The following FTO variants were observed in gnomAD, a reference collection of about 807,000 sequenced individuals.
The protein encoded by FTO is FTO alpha-ketoglutarate dependent dioxygenase.
In FTO, 47 loss-of-function variants were observed where a neutral mutation model predicts 63.9. The ratio of observed to expected loss-of-function variants is 0.74; its 90% confidence interval spans 0.58 to 0.94. The LOEUF (loss-of-function observed/expected upper bound fraction) is 0.94, where lower values mean the gene tolerates loss of function less well. FTO is among the 40% of genes least tolerant of loss of function. The pLI is 0.00. For missense variants in FTO, 562 were observed against 618.1 expected, an observed-to-expected ratio of 0.91 and a Z score of 0.96; for synonymous variants, 207 against 224.4, an observed-to-expected ratio of 0.92 and a Z score of 0.69.
intron 8 of FTO, among the ~76,000 whole-genome samples, chr16:53,989,576 G>A (rs2083753900): frequency 6.6e-6 from 1 of 152,114 alleles, no homozygotes; most frequent in African/African-American, 2.4e-5. Flanking sequence ...GTCCTGGGTG[G>A]CAATCTGTGC....
chr16:54,094,418 T>A (rs534887833), intron 8 of FTO, among the ~76,000 whole-genome samples: 1 of 152,222 alleles, frequency 6.6e-6, no homozygotes, highest in Non-Finnish European at 1.5e-5. Flanking sequence ...TGAACTACGA[T>A]GTTTTAAAAC....
chr16:53,827,569 A>G (rs2151779828), intron 3 of FTO, among the ~76,000 whole-genome samples: 1 of 152,354 alleles, frequency 6.6e-6, no homozygotes, highest in Admixed American at 6.5e-5. Flanking sequence ...TAAGAAAAAA[A>G]AGATCTTTAA....
chr16:53,836,859 A>T (rs2079307929), intron 3 of FTO, among the ~76,000 whole-genome samples: 1 of 151,926 alleles, frequency 6.6e-6, no homozygotes, highest in African/African-American at 2.4e-5. Flanking sequence ...AGCTTTGGGG[A>T]GGAGAGAAAC....
chr16:53,723,290 T>C (rs933004336), intron 1 of FTO, among the ~76,000 whole-genome samples: 2 of 152,250 alleles, frequency 1.3e-5, no homozygotes, highest in Admixed American at 1.3e-4. Context: ...CAAATAGCTC[T>C]TTATGCTCCC....
At chr16:53,960,444 G>A (rs1270494130) in intron 8 of FTO, among the ~76,000 whole-genome samples, 1 of 152,218 alleles carries the variant, frequency 6.6e-6, no homozygotes, top group Non-Finnish European at 1.5e-5. Flanking sequence ...AGCCCCTGAA[G>A]GAGGGAAAGT....
chr16:53,871,342 T>C (rs1408732397), intron 4 of FTO, among the ~76,000 whole-genome samples: 1 of 152,216 alleles, frequency 6.6e-6, no homozygotes, highest in Non-Finnish European at 1.5e-5. Flanking sequence ...CATATTTTTG[T>C]AGTCTTTTTT....
At chr16:53,773,874 G>T (rs564524939) in intron 1 of FTO, among the ~76,000 whole-genome samples, 1 of 152,108 alleles carries the variant, frequency 6.6e-6, no homozygotes, top group Non-Finnish European at 1.5e-5. Flanking sequence ...ATAATTGGAC[G>T]ACACTTGTTA....
At chr16:53,953,916 G>A (rs1335162279) in intron 8 of FTO, among the ~76,000 whole-genome samples, 1 of 152,240 alleles carries the variant, frequency 6.6e-6, no homozygotes, top group Non-Finnish European at 1.5e-5. Flanking sequence ...AGCTATGGCT[G>A]AATTCTTCTT....
At chr16:53,837,222 T>C (rs1273993801) in intron 3 of FTO, among the ~76,000 whole-genome samples, 1 of 152,208 alleles carries the variant, frequency 6.6e-6, no homozygotes, top group African/African-American at 2.4e-5. Flanking sequence ...TTCTCCCAAG[T>C]CCGTGAAACA....
At chr16:53,844,649 T>C (rs1598807750) in intron 4 of FTO, among the ~76,000 whole-genome samples, 1 of 151,640 alleles carries the variant, frequency 6.6e-6, no homozygotes, top group Non-Finnish European at 1.5e-5. Context: ...TTAGTAGAGA[T>C]GGGTTTCACC....
At chr16:53,842,035 T>C (rs1255558028) in intron 3 of FTO, among the ~76,000 whole-genome samples, 1 of 152,206 alleles carries the variant, frequency 6.6e-6, no homozygotes, top group African/African-American at 2.4e-5. Context: ...TTTTGTTTTT[T>C]TCTTCCAAAT....
chr16:53,920,479 G>T (rs760829165), intron 7 of FTO, among the ~76,000 whole-genome samples: 1 of 152,176 alleles, frequency 6.6e-6, no homozygotes, highest in Non-Finnish European at 1.5e-5. Flanking sequence ...TGTCCAGATC[G>T]CAGCCTACAT....
intron 8 of FTO, among the ~76,000 whole-genome samples, chr16:54,095,770 G>A (rs2086502764): frequency 1.3e-5 from 2 of 152,152 alleles, no homozygotes; most frequent in African/African-American, 4.8e-5. Flanking sequence ...AGATATGGTG[G>A]TTGGAGTGTC....
At chr16:53,966,938 C>A (rs1305227841) in intron 8 of FTO, among the ~76,000 whole-genome samples, 1 of 152,088 alleles carries the variant, frequency 6.6e-6, no homozygotes, top group Non-Finnish European at 1.5e-5. Context: ...ATTATAATGG[C>A]CTGATCCGTG....
At chr16:53,987,116 C>T (rs2083686095) in intron 8 of FTO, among the ~76,000 whole-genome samples, 1 of 151,970 alleles carries the variant, frequency 6.6e-6, no homozygotes, top group African/African-American at 2.4e-5. Context: ...TGGAATACGT[C>T]TTGCTCTAAA....
At chr16:53,743,244 G>T (rs1310436515) in intron 1 of FTO, among the ~76,000 whole-genome samples, 1 of 152,092 alleles carries the variant, frequency 6.6e-6, no homozygotes, top group East Asian at 1.9e-4. Flanking sequence ...CTTCACTGTG[G>T]TCGGAATGAA....
rs755944194 is a variant in FTO, at chr16:53,858,118, T to C, written c.895+13820T>C. On this transcript the variant is annotated intron_variant, in intron 4 of 8. Coordinates refer to ENST00000471389, the MANE Select transcript of FTO (RefSeq NM_001080432.3). Reference sequence around the variant, plus strand: ...TTAGACCAAATAATTATAAATAATATTTTCTCTTCTTTACACTTTTCTATA... The same window carrying C: ...TTAGACCAAATAATTATAAATAATACTTTCTCTTCTTTACACTTTTCTATA... Among the ~76,000 whole-genome samples, 110 of 152,232 alleles carry C rather than the reference T, an allele frequency of 7.2e-4. 1 individual carries two copies. The highest frequency in any genetic ancestry group is 1.3e-3 in the Non-Finnish European group (90 of 68,020).
chr16:53,800,067 C>T (rs1298865171), intron 1 of FTO, among the ~76,000 whole-genome samples: 2 of 151,278 alleles, frequency 1.3e-5, no homozygotes, highest in Non-Finnish European at 2.9e-5. Context: ...TCTTCTTTTT[C>T]GAGTTTCTCC....
At chr16:53,828,473 C>T (rs1213518973) in intron 3 of FTO, among the ~76,000 whole-genome samples, 1 of 152,176 alleles carries the variant, frequency 6.6e-6, no homozygotes, top group African/African-American at 2.4e-5. Context: ...TCCCAAAGTG[C>T]TGGGATTACA....
Sources: gnomAD v4.1 joint callset for allele counts (sites outside exome capture counted in the v4.1 genomes callset) on GRCh38, gnomAD v4.1.1 for gene constraint, MANE v1.5 for transcripts, NCBI Gene and HGNC (gene_info 2026-07-23, HGNC 2026-07-21) for gene names.